The following AOPEP variants were observed in gnomAD, a reference collection of about 807,000 sequenced individuals.
The protein encoded by AOPEP is aminopeptidase O (putative).
AOPEP carries 77 observed loss-of-function variants against 98.1 expected under a neutral mutation model. The observed-to-expected ratio is 0.78, with a 90% CI of 0.65 to 0.95. AOPEP has a LOEUF of 0.95. Among genes scored for constraint, AOPEP ranks in the 40% least tolerant of loss-of-function variants. The pLI is 0.00. For synonymous variants in AOPEP, 346 were observed against 365.3 expected (o/e 0.95, Z 0.60); for missense variants, 1,024 against 1,024.7 (o/e 1.00, Z 0.01).
chr9:95,085,532 A>G (rs765088865), intron 16 of AOPEP: 24 of 513,878 alleles, frequency 4.7e-5, no homozygotes, highest in Non-Finnish European at 8.0e-5. Flanking sequence ...CTGCACCTGA[A>G]GAGAAGGTGA....
chr9:94,812,398 A>C (rs986514573), intron 5 of AOPEP, among the ~76,000 whole-genome samples: 2 of 152,108 alleles, frequency 1.3e-5, no homozygotes, highest in African/African-American at 2.4e-5. Context: ...AGAATCCGGA[A>C]GTCTTCCCAA....
At chr9:95,071,841 C>T (rs141459056) in intron 14 of AOPEP, among the ~76,000 whole-genome samples, 2 of 152,252 alleles carry the variant, frequency 1.3e-5, no homozygotes, top group East Asian at 3.9e-4. Flanking sequence ...ACACAGTGCC[C>T]CTTTTTAATG....
intron 3 of AOPEP, among the ~76,000 whole-genome samples, chr9:94,777,673 G>A (rs1258896564): frequency 2.5e-5 from 2 of 79,674 alleles, no homozygotes; most frequent in Admixed American, 2.1e-4. Context: ...TCATTCTATT[G>A]TCCAGGCTGG....
intron 5 of AOPEP, among the ~76,000 whole-genome samples, chr9:94,893,110 G>T (rs1281833116): frequency 6.6e-6 from 1 of 152,214 alleles, no homozygotes; most frequent in Non-Finnish European, 1.5e-5. Context: ...GAGACCTAGA[G>T]TGTGAAATTA....
intron 5 of AOPEP, among the ~76,000 whole-genome samples, chr9:94,885,423 AAAAT>A (rs1214472066): frequency 1.3e-5 from 2 of 150,380 alleles, no homozygotes; most frequent in Middle Eastern, 3.2e-3. Context: ...TTTGTACTGA[AAAAT>A]ACAAATATAT....
chr9:94,903,675 C>T (rs1041413902), intron 5 of AOPEP, among the ~76,000 whole-genome samples: 9 of 150,154 alleles, frequency 6.0e-5, no homozygotes, highest in African/African-American at 2.2e-4. Context: ...GTGGCATGCA[C>T]CTGTAGTCCT....
chr9:94,983,049 A>G (rs1314996581), intron 11 of AOPEP, among the ~76,000 whole-genome samples: 1 of 151,598 alleles, frequency 6.6e-6, no homozygotes, highest in Admixed American at 6.6e-5. Context: ...TTTTTTTGAG[A>G]CAGAGTCTCG....
intron 1 of AOPEP, among the ~76,000 whole-genome samples, chr9:94,736,983 A>G (rs1203820165): frequency 6.6e-6 from 1 of 152,252 alleles, no homozygotes; most frequent in African/African-American, 2.4e-5. Flanking sequence ...CAGCCCTCCC[A>G]GCCATTCAGA....
downstream of AOPEP, among the ~76,000 whole-genome samples, chr9:95,087,521 A>T (rs1374388217): frequency 8.0e-6 from 1 of 125,752 alleles, no homozygotes; most frequent in Non-Finnish European, 1.7e-5. Context: ...CACGTACAAG[A>T]AAAAGGTATT....
Position 95,082,615 on chromosome 9 carries a change from A to G in AOPEP, c.2360A>G (p.Glu787Gly), listed in dbSNP as rs768627363. The G allele has an allele frequency of 4.3e-6, 7 of 1,614,106 alleles. No individual in the cohort carries two copies. Among genetic ancestry groups the G allele is most frequent in the Non-Finnish European group, 5.9e-6 (7 of 1,180,050 alleles). Reference sequence around the variant, plus strand: ...CTCTACGGGGAGCTGATGGTGAGTGAGGACGCCAGACAGCAGCAGCTCGCC... The same window carrying G: ...CTCTACGGGGAGCTGATGGTGAGTGGGGACGCCAGACAGCAGCAGCTCGCC... Reference protein sequence around the residue: ...VYLYGELMVSEDARQQQLARR... With the variant: ...VYLYGELMVSGDARQQQLARR... The change falls in exon 16 of 17, where the codon GAG (glutamate) becomes GGG (glycine). Residue 787 changes from glutamate to glycine, a missense_variant. Physicochemically the swap from Glu to Gly is moderately conservative, Grantham distance 98 (BLOSUM62 -2). Coordinates refer to ENST00000375315, the MANE Select transcript of AOPEP (RefSeq NM_001193329.3).
intron 5 of AOPEP, among the ~76,000 whole-genome samples, chr9:94,821,337 A>C (rs1172330946): frequency 6.6e-6 from 1 of 152,230 alleles, no homozygotes; most frequent in Middle Eastern, 3.2e-3. Context: ...ACCAACCACC[A>C]GTCTTACAAA....
rs367772142 is a variant in AOPEP, at chr9:95,082,642, G to A, written c.2387G>A (p.Arg796His). The A allele has an allele frequency of 2.3e-5, 37 of 1,614,112 alleles. No individual in the cohort carries two copies. The highest frequency in any genetic ancestry group is 1.6e-4 in the Middle Eastern group (1 of 6,084). Residue 796 changes from arginine to histidine, a missense_variant, in exon 16 of 17, where the codon CGT (arginine) becomes CAT (histidine). This residue lies in a region of AOPEP where 566 missense variants were observed against 551.7 expected (regional missense o/e 1.03). Coordinates refer to ENST00000375315, the MANE Select transcript of AOPEP (RefSeq NM_001193329.3). ...SEDARQQQLARRCFERTKEQM... is the reference protein window; with the variant it reads ...SEDARQQQLAHRCFERTKEQM... ...GACGCCAGACAGCAGCAGCTCGCCCGTAGGTGCTTCGAGCGGACCAAGGAG... is the reference window on the plus strand; with the variant it reads ...GACGCCAGACAGCAGCAGCTCGCCCATAGGTGCTTCGAGCGGACCAAGGAG...
the AOPEP span, chr9:95,099,753 CCGTGAGAGGACT>C: frequency 4.3e-6 from 1 of 232,450 alleles, no homozygotes; most frequent in African/African-American, 2.2e-5. Flanking sequence ...TCCACCGCAC[CCGTGAGAGGACT>C]CGGCAGCTGT....
At chr9:95,053,144 G>C (rs1190699988) in intron 13 of AOPEP, among the ~76,000 whole-genome samples, 1 of 152,110 alleles carries the variant, frequency 6.6e-6, no homozygotes, top group South Asian at 2.1e-4. Flanking sequence ...TCTTCATAAA[G>C]TAGATCTCTC....
At chr9:95,123,045 G>T in the AOPEP span, among the ~76,000 whole-genome samples, 1 of 152,142 alleles carries the variant, frequency 6.6e-6, no homozygotes, top group Non-Finnish European at 1.5e-5. Context: ...CTCAAGCCTG[G>T]AATCCAAGCA....
chr9:95,074,957 G>A (rs1451422319), intron 14 of AOPEP, among the ~76,000 whole-genome samples: 1 of 152,188 alleles, frequency 6.6e-6, no homozygotes, highest in East Asian at 1.9e-4. Flanking sequence ...CAGAGGTGTG[G>A]GTGCTGCAGG....
At chr9:94,796,530 A>G (rs1045528467) in intron 4 of AOPEP, among the ~76,000 whole-genome samples, 10 of 152,182 alleles carry the variant, frequency 6.6e-5, no homozygotes, top group Non-Finnish European at 5.9e-5. Flanking sequence ...TTCTACTTCA[A>G]ACCTTCCTAA....
the AOPEP span, among the ~76,000 whole-genome samples, chr9:95,136,236 T>A: frequency 1.2e-3 from 175 of 150,572 alleles, no homozygotes; most frequent in Non-Finnish European, 1.7e-3. Flanking sequence ...CAAAAAAAAA[T>A]TTTTTTTTTA....
intron 5 of AOPEP, among the ~76,000 whole-genome samples, chr9:94,891,787 A>AT (rs1430093261): frequency 6.6e-6 from 1 of 152,156 alleles, no homozygotes; most frequent in East Asian, 1.9e-4. Flanking sequence ...AGGCTATTAC[A>AT]TTTTTACTCA....
Sources: allele counts gnomAD v4.1 joint callset (sites outside exome capture counted in the v4.1 genomes callset), GRCh38; gene constraint gnomAD v4.1.1; regional missense constraint gnomAD v4.1.1; transcripts MANE v1.5; gene names NCBI Gene and HGNC (gene_info 2026-07-23, HGNC 2026-07-21).